Variants in PEBP4 observed in about 807,000 individuals in gnomAD.
The protein encoded by PEBP4 is phosphatidylethanolamine binding protein 4.
In PEBP4, 22 loss-of-function variants were observed where a neutral mutation model predicts 23.9. The observed-to-expected ratio is 0.92, with a 90% confidence interval of 0.66 to 1.31. The LOEUF (loss-of-function observed/expected upper bound fraction) is 1.31, where lower values mean the gene tolerates loss of function less well. Ranked by LOEUF, PEBP4 falls within the 40% of genes most tolerant of loss-of-function variation. The pLI is 0.00. For missense variants in PEBP4, 324 were observed against 281.7 expected, an observed-to-expected ratio of 1.15 and a Z score of -1.07; for synonymous variants, 112 against 99.3, an observed-to-expected ratio of 1.13 and a Z score of -0.76.
At chr8:22,855,133 T>A (rs1166330140) in intron 3 of PEBP4, among the ~76,000 whole-genome samples, 1 of 152,008 alleles carries the variant, frequency 6.6e-6, no homozygotes, top group Non-Finnish European at 1.5e-5. Flanking sequence ...ACAGTCAGTG[T>A]TCCCATGGCT....
intron 4 of PEBP4, among the ~76,000 whole-genome samples, chr8:22,735,692 G>A (rs1346556499): frequency 6.6e-6 from 1 of 152,230 alleles, no homozygotes; most frequent in African/African-American, 2.4e-5. Context: ...TTGGTTGGCT[G>A]AGCTGCCTTC....
chr8:22,881,307 C>T (rs1808253680), intron 3 of PEBP4, among the ~76,000 whole-genome samples: 1 of 152,226 alleles, frequency 6.6e-6, no homozygotes, highest in South Asian at 2.1e-4. Context: ...GCTCCTCAGA[C>T]CTTCCTATCA....
intron 3 of PEBP4, among the ~76,000 whole-genome samples, chr8:22,848,000 A>AT (rs1003537772): frequency 1.1e-3 from 163 of 151,354 alleles, no homozygotes; most frequent in African/African-American, 3.7e-3. Flanking sequence ...AAGGCTTTTA[A>AT]TTTTTTTTTC....
At chr8:22,914,094 T>C (rs149005655) in intron 3 of PEBP4, among the ~76,000 whole-genome samples, 301 of 151,914 alleles carry the variant, frequency 2.0e-3, no homozygotes, top group African/African-American at 6.8e-3. Context: ...TTCAAGTGAT[T>C]CTCCTATCTC....
At chr8:22,905,231 A>G (rs1808786374) in intron 3 of PEBP4, among the ~76,000 whole-genome samples, 1 of 151,862 alleles carries the variant, frequency 6.6e-6, no homozygotes, top group Non-Finnish European at 1.5e-5. Context: ...CTTCCCCCAT[A>G]TTTTTAATGA....
At chr8:22,761,934 T>G (rs1019473754) in intron 4 of PEBP4, among the ~76,000 whole-genome samples, 7 of 152,230 alleles carry the variant, frequency 4.6e-5, no homozygotes, top group Non-Finnish European at 1.0e-4. Flanking sequence ...CATTATATTT[T>G]CTTTGATATA....
chr8:22,936,018 GAAA>G (rs200742154), intron 1 of PEBP4, among the ~76,000 whole-genome samples: 1 of 93,740 alleles, frequency 1.1e-5, no homozygotes, highest in Non-Finnish European at 2.2e-5. Context: ...AGGAGCTAGG[GAAA>G]AAAAAAAAAA....
chr8:22,744,170 A>G (rs1805060179), intron 4 of PEBP4, among the ~76,000 whole-genome samples: 1 of 152,240 alleles, frequency 6.6e-6, no homozygotes, highest in South Asian at 2.1e-4. Context: ...ACTTGGGATA[A>G]AGTGTGTAGT....
chr8:22,777,741 G>A (rs906934120), intron 4 of PEBP4, among the ~76,000 whole-genome samples: 1 of 152,194 alleles, frequency 6.6e-6, no homozygotes, highest in African/African-American at 2.4e-5. Flanking sequence ...TGAGGAGGAG[G>A]AGAGAATCCG....
chr8:22,724,991 C>T (rs775662381), intron 5 of PEBP4, 35 bp from the exon 6 acceptor site: 2 of 1,549,854 alleles, frequency 1.3e-6, no homozygotes, highest in Non-Finnish European at 1.8e-6. Flanking sequence ...TGAGCATCAA[C>T]ATCCCATACT....
At chr8:22,786,304 A>G (rs772653861) in intron 4 of PEBP4, among the ~76,000 whole-genome samples, 13 of 152,054 alleles carry the variant, frequency 8.5e-5, no homozygotes, top group Non-Finnish European at 1.8e-4. Context: ...TTTTTAAGAG[A>G]CAGGGTCTTG....
At chr8:22,853,728 G>A (rs762380603) in intron 3 of PEBP4, among the ~76,000 whole-genome samples, 19 of 152,174 alleles carry the variant, frequency 1.2e-4, no homozygotes, top group Non-Finnish European at 2.5e-4. Context: ...CCTCCTGGAA[G>A]TCCAGCACTC....
rs529860432 is a variant in PEBP4 at position 22,828,880 on chromosome 8, C to T, written c.259-11145G>A. ...TTTCCCTCTCTATCTCAACCATCGA[C>T]TTCCATAGCTACACCCTGAAGCTGC... On this transcript the variant is annotated intron_variant, in intron 3 of 6. Coordinates refer to ENST00000256404, the MANE Select transcript of PEBP4 (RefSeq NM_144962.3). 1.7e-4 allele frequency among the ~76,000 whole-genome samples: 26 copies of T among 152,232 alleles called. No homozygotes were observed. In the South Asian group the frequency reaches 5.0e-3, roughly 29 times the overall value.
Position 22,817,717 on chromosome 8 carries a change from C to G in PEBP4, c.277G>C (p.Val93Leu), listed in dbSNP as rs759855948. The G allele has an allele frequency of 4.3e-6, 7 of 1,614,168 alleles. No homozygotes were observed. Among genetic ancestry groups the G allele is most frequent in the Non-Finnish European group, 5.9e-6 (7 of 1,180,008 alleles). ...GAVDGATYIL[V>L]MVDPDAPSRA... ...CTAGGGGCATCTGGATCCACCATCA[C>G]CAGGATATAGGTTGCGCCCTGTAAC... The change falls in exon 4 of 7, where the codon GTG becomes CTG. Residue 93 changes from valine to leucine, a missense_variant. Val to Leu is a conservative substitution (Grantham distance 32, BLOSUM62 1). Coordinates refer to ENST00000256404, the MANE Select transcript of PEBP4 (RefSeq NM_144962.3).
intron 5 of PEBP4, among the ~76,000 whole-genome samples, chr8:22,726,511 T>C (rs945688358): frequency 2.0e-5 from 3 of 152,204 alleles, no homozygotes; most frequent in Non-Finnish European, 2.9e-5. Flanking sequence ...AAGAATCCCC[T>C]CTTCAAAACC....
At chr8:22,931,895 G>T (rs1272375809), upstream of PEBP4, among the ~76,000 whole-genome samples, 1 of 152,130 alleles carries the variant, frequency 6.6e-6, no homozygotes, top group Non-Finnish European at 1.5e-5. Context: ...CCTTCCCTCT[G>T]GTACCTGGGT....
Position 22,897,678 on chromosome 8 carries a change from A to T in PEBP4, c.258+22506T>A, listed in dbSNP as rs187196105. On this transcript the variant is annotated intron_variant, in intron 3 of 6. Transcript: ENST00000256404. ...GTTTCCTTTAAACATCAAACTCATT[A>T]AAAAAATGCTTAACATCTCTCCCTG... 12 of 152,214 alleles carry T rather than the reference A, an allele frequency of 7.9e-5. No individual in the cohort carries two copies. In the East Asian group the frequency reaches 2.3e-3, roughly 29 times the overall value. 9.4% of individuals were successfully genotyped at this position (152,214 alleles called of 1,614,324 possible). A position where few individuals can be genotyped will look rare whatever the true frequency, so the allele number is the denominator to read the frequency against.
intron 6 of PEBP4, among the ~76,000 whole-genome samples, chr8:22,719,002 G>A (rs773058386): frequency 5.9e-5 from 9 of 152,088 alleles, no homozygotes; most frequent in Non-Finnish European, 1.2e-4. Context: ...CTCACCCACC[G>A]AGGCCTGCAT....
At chr8:22,845,848 C>T (rs1807422335) in intron 3 of PEBP4, among the ~76,000 whole-genome samples, 1 of 152,268 alleles carries the variant, frequency 6.6e-6, no homozygotes, top group South Asian at 2.1e-4. Context: ...AGCTGCTCAG[C>T]TCCTCTCTGG....
Sources: gnomAD v4.1 joint callset for allele counts (sites outside exome capture counted in the v4.1 genomes callset) on GRCh38, gnomAD v4.1.1 for gene constraint, MANE v1.5 for transcripts, NCBI Gene and HGNC (gene_info 2026-07-23, HGNC 2026-07-21) for gene names.